The following DYM variants were observed in gnomAD, a reference collection of about 807,000 sequenced individuals.
The protein encoded by DYM is dyggve-Melchior-Clausen syndrome protein.
A neutral mutation model predicts 93.1 loss-of-function variants in DYM; 78 were observed. The observed-to-expected ratio is 0.84, with a 90% confidence interval of 0.70 to 1.01. DYM has a LOEUF of 1.01. Ranked by LOEUF, DYM falls within the 50% of genes least tolerant of loss-of-function variation. The pLI, the probability that DYM is intolerant of heterozygous loss-of-function variation, is 0.00. For missense variants in DYM, 789 were observed against 845.0 expected (o/e 0.93, Z 0.82); for synonymous variants, 321 against 319.7 (o/e 1.00, Z -0.04).
chr18:49,204,051 A>C (rs1600627801), intron 14 of DYM, among the ~76,000 whole-genome samples: 2 of 151,924 alleles, frequency 1.3e-5, no homozygotes, highest in African/African-American at 4.8e-5. Context: ...AACTCTACCT[A>C]AATCAGGTCC....
intron 17 of DYM, among the ~76,000 whole-genome samples, chr18:49,075,207 A>G (rs1308585555): frequency 1.3e-5 from 2 of 152,188 alleles, no homozygotes; most frequent in Non-Finnish European, 2.9e-5. Flanking sequence ...AGCCAGGGAC[A>G]TTCCCTCTTT....
At chr18:49,061,230 A>G (rs2075965524) in intron 17 of DYM, among the ~76,000 whole-genome samples, 1 of 152,020 alleles carries the variant, frequency 6.6e-6, no homozygotes, top group African/African-American at 2.4e-5. Flanking sequence ...GGGAAGGGAG[A>G]AATTAAACTG....
chr18:49,286,137 G>T (rs1403182696), intron 9 of DYM, among the ~76,000 whole-genome samples: 1 of 151,918 alleles, frequency 6.6e-6, no homozygotes, highest in Non-Finnish European at 1.5e-5. Flanking sequence ...CCTAGCATTT[G>T]GGTTTTCCAG....
At chr18:49,391,037 T>C (rs1230808391) in intron 3 of DYM, among the ~76,000 whole-genome samples, 1 of 152,234 alleles carries the variant, frequency 6.6e-6, no homozygotes, top group African/African-American at 2.4e-5. Flanking sequence ...TGGTTTGCAA[T>C]GACTACATGA....
chr18:49,411,306 A>G (rs2072217951), intron 2 of DYM, among the ~76,000 whole-genome samples: 2 of 152,210 alleles, frequency 1.3e-5, no homozygotes, highest in South Asian at 4.1e-4. Flanking sequence ...TATAAAAAGT[A>G]TATCTACATT....
intron 8 of DYM, among the ~76,000 whole-genome samples, chr18:49,301,793 T>A (rs1036286339): frequency 6.6e-6 from 1 of 152,236 alleles, no homozygotes; most frequent in African/African-American, 2.4e-5. Flanking sequence ...TTCAGCAGTA[T>A]GCATAATCCA....
At chr18:49,080,083 C>T (rs1242074964) in intron 17 of DYM, among the ~76,000 whole-genome samples, 2 of 131,398 alleles carry the variant, frequency 1.5e-5, no homozygotes, top group Non-Finnish European at 3.2e-5. Flanking sequence ...CCCTCACCTC[C>T]CGGACGGGGC....
At chr18:49,197,744 T>A (rs577806961) in intron 14 of DYM, among the ~76,000 whole-genome samples, 83 of 152,214 alleles carry the variant, frequency 5.5e-4, no homozygotes, top group African/African-American at 2.0e-3. Flanking sequence ...TACAAACAAA[T>A]GGGAGAATAT....
chr18:49,328,357 C>T (rs898340542), intron 8 of DYM, among the ~76,000 whole-genome samples: 13 of 152,042 alleles, frequency 8.6e-5, no homozygotes, highest in East Asian at 3.9e-4. Context: ...CAAGACGGTC[C>T]TTAATGGATG....
chr18:49,114,217 C>G (rs1358968164), intron 16 of DYM, among the ~76,000 whole-genome samples: 3 of 152,194 alleles, frequency 2.0e-5, no homozygotes, highest in Non-Finnish European at 4.4e-5. Context: ...AATCCTAGCT[C>G]ACATGGATTA....
At chr18:49,186,071 A>C (rs1213989572) in intron 14 of DYM, among the ~76,000 whole-genome samples, 1 of 152,176 alleles carries the variant, frequency 6.6e-6, no homozygotes. Context: ...TGGGATAACC[A>C]CATCTTGATT....
At chr18:49,221,149 G>A (rs1262607047) in intron 13 of DYM, among the ~76,000 whole-genome samples, 2 of 152,020 alleles carry the variant, frequency 1.3e-5, no homozygotes, top group African/African-American at 4.8e-5. Context: ...AAAAACACAT[G>A]AAAAAATGCT....
intron 17 of DYM, among the ~76,000 whole-genome samples, chr18:49,067,368 G>GAGCA (rs1599486391): frequency 1.0e-4 from 15 of 149,458 alleles, no homozygotes; most frequent in South Asian, 4.3e-4. Flanking sequence ...GGGGTGATGT[G>GAGCA]TTATGGAGGT....
intron 15 of DYM, among the ~76,000 whole-genome samples, chr18:49,156,813 C>A (rs927477240): frequency 6.6e-6 from 1 of 151,918 alleles, no homozygotes; most frequent in Non-Finnish European, 1.5e-5. Flanking sequence ...TCATATGCCC[C>A]CCTCCTAGAT....
chr18:49,236,487 A>AAGAAT (rs1555652860), intron 13 of DYM, among the ~76,000 whole-genome samples: 1 of 149,118 alleles, frequency 6.7e-6, no homozygotes, highest in East Asian at 2.0e-4. Flanking sequence ...CTCAAAAAAA[A>AAGAAT]AAATAAATAA....
At chr18:49,323,746 G>T (rs979120618) in intron 8 of DYM, among the ~76,000 whole-genome samples, 9 of 152,126 alleles carry the variant, frequency 5.9e-5, no homozygotes, top group African/African-American at 2.2e-4. Context: ...CCAGCCTACG[G>T]TATTTTGTTA....
chr18:49,142,174 C>T (rs1185265852), intron 15 of DYM, among the ~76,000 whole-genome samples: 1 of 151,998 alleles, frequency 6.6e-6, no homozygotes, highest in African/African-American at 2.4e-5. Flanking sequence ...ATGTTTTAAA[C>T]ATATTTATGG....
At chr18:49,182,490 A>T (rs1013599863) in intron 14 of DYM, among the ~76,000 whole-genome samples, 4 of 152,202 alleles carry the variant, frequency 2.6e-5, no homozygotes, top group African/African-American at 9.7e-5. Context: ...GGATTATAAT[A>T]GTCCTCTTGA....
At chr18:49,306,068 AAAG>A (rs1313797845) in intron 8 of DYM, among the ~76,000 whole-genome samples, 1 of 152,190 alleles carries the variant, frequency 6.6e-6, no homozygotes, top group Non-Finnish European at 1.5e-5. Context: ...ATACAGCTGA[AAAG>A]AAGATTAGTG....
Sources: gnomAD v4.1 joint callset for allele counts (sites outside exome capture counted in the v4.1 genomes callset) on GRCh38, gnomAD v4.1.1 for gene constraint, MANE v1.5 for transcripts, NCBI Gene and HGNC (gene_info 2026-07-23, HGNC 2026-07-21) for gene names.